The following DGKB variants were observed in gnomAD, a reference collection of about 807,000 sequenced individuals.
The protein encoded by DGKB is diacylglycerol kinase beta, also known as 90 kDa diacylglycerol kinase.
A neutral mutation model predicts 114.3 loss-of-function variants in DGKB; 67 were observed. The ratio of observed to expected loss-of-function variants is 0.59; its 90% confidence interval spans 0.48 to 0.72. The LOEUF is 0.72. Ranked by LOEUF, DGKB falls within the 30% of genes least tolerant of loss-of-function variation. DGKB has a pLI of 0.00. For missense variants in DGKB, 907 were observed against 975.2 expected, an observed-to-expected ratio of 0.93 and a Z score of 0.93; for synonymous variants, 398 against 323.1, an observed-to-expected ratio of 1.23 and a Z score of -2.49.
At chr7:14,969,631 G>C (rs924995871) in intron 1 of DGKB, among the ~76,000 whole-genome samples, 8 of 152,102 alleles carry the variant, frequency 5.3e-5, no homozygotes, top group Non-Finnish European at 4.4e-5. Context: ...AGGGATCTAC[G>C]TTGTGTGCTC....
chr7:14,312,211 G>C (rs1009076283), intron 23 of DGKB, among the ~76,000 whole-genome samples: 1 of 152,174 alleles, frequency 6.6e-6, no homozygotes, highest in African/African-American at 2.4e-5. Context: ...ATGCAGTATA[G>C]AGACCTGAAA....
chr7:14,373,901 C>T (rs904152646), intron 21 of DGKB, among the ~76,000 whole-genome samples: 1 of 152,076 alleles, frequency 6.6e-6, no homozygotes, highest in African/African-American at 2.4e-5. Flanking sequence ...TTACACCCAA[C>T]CAGTCCGCTG....
At chr7:14,939,667 C>T (rs114577555) in intron 1 of DGKB, among the ~76,000 whole-genome samples, 2,477 of 123,868 alleles carry the variant, frequency 0.02, 81 homozygotes, top group African/African-American at 0.076. Context: ...TCTCGTTCTG[C>T]CCAGGCTGGA....
At chr7:14,763,542 T>C (rs1044868281) in intron 2 of DGKB, among the ~76,000 whole-genome samples, 1 of 152,108 alleles carries the variant, frequency 6.6e-6, no homozygotes, top group African/African-American at 2.4e-5. Flanking sequence ...TTCAAGCTAT[T>C]GTATATGACC....
intron 13 of DGKB, among the ~76,000 whole-genome samples, chr7:14,640,159 T>C (rs887312055): frequency 7.2e-5 from 11 of 152,240 alleles, no homozygotes; most frequent in Admixed American, 2.0e-4. Context: ...TGTTTAGTAC[T>C]AAATTACATA....
chr7:14,602,893 G>T (rs149551941), intron 17 of DGKB, among the ~76,000 whole-genome samples: 5 of 152,292 alleles, frequency 3.3e-5, no homozygotes, highest in South Asian at 4.1e-4. Flanking sequence ...AATTTTGATA[G>T]GCAATAATCT....
At chr7:14,623,635 T>A (rs887465002) in intron 14 of DGKB, among the ~76,000 whole-genome samples, 2 of 152,174 alleles carry the variant, frequency 1.3e-5, no homozygotes, top group African/African-American at 4.8e-5. Context: ...GCAAAAACAC[T>A]GAATATATTT....
chr7:14,863,372 T>C (rs1423032749), intron 1 of DGKB, among the ~76,000 whole-genome samples: 2 of 151,414 alleles, frequency 1.3e-5, no homozygotes, highest in African/African-American at 2.4e-5. Context: ...TTTTAAACTA[T>C]GGTCAAGAAG....
chr7:14,512,290 G>A (rs945063816), intron 20 of DGKB, among the ~76,000 whole-genome samples: 1 of 152,040 alleles, frequency 6.6e-6, no homozygotes, highest in Admixed American at 6.6e-5. Context: ...AGAAATCCAC[G>A]TTATTTTTAC....
At chr7:14,899,393 C>G (rs931577904) in intron 1 of DGKB, among the ~76,000 whole-genome samples, 5 of 152,006 alleles carry the variant, frequency 3.3e-5, no homozygotes, top group Non-Finnish European at 7.4e-5. Flanking sequence ...TAAGACTTTA[C>G]AGCTATTTAA....
rs1167483677 is a variant in DGKB at position 14,244,028 on chromosome 7, AGAGAGAGACAGAGAGAGAGAGAGAGG to A, written c.2123-65903_2123-65878del. ...ATACAGTGTTATGAGAGATTCTGAG[AGAGAGAGACAGAGAGAGAGAGAGAGG>A]GAGAGAGAGAGAGATCAATTTACCT... On this transcript the variant is annotated intron_variant, in intron 23 of 25. Coordinates refer to ENST00000402815, the MANE Select transcript of DGKB (RefSeq NM_001350709.2). Among the ~76,000 whole-genome samples, 390 of 144,812 alleles carry A rather than the reference AGAGAGAGACAGAGAGAGAGAGAGAGG, an allele frequency of 2.7e-3. 2 individuals are homozygous for A. Among genetic ancestry groups the A allele is most frequent in the African/African-American group, 8.6e-3 (351 of 40,768 alleles).
intron 2 of DGKB, among the ~76,000 whole-genome samples, chr7:14,782,860 G>T (rs977565873): frequency 6.6e-6 from 1 of 151,794 alleles, no homozygotes; most frequent in African/African-American, 2.4e-5. Context: ...AGACAGATGC[G>T]GTCTTGTTCT....
intron 23 of DGKB, chr7:14,191,730 G>A (rs1784348899): frequency 1.2e-5 from 4 of 345,454 alleles, no homozygotes; most frequent in Non-Finnish European, 2.4e-5. Context: ...GATGTTCACT[G>A]TGCCAACATT....
intron 1 of DGKB, among the ~76,000 whole-genome samples, chr7:14,885,094 C>G (rs1269635742): frequency 1.3e-5 from 2 of 152,020 alleles, no homozygotes; most frequent in African/African-American, 4.8e-5. Flanking sequence ...GACTTGAAAG[C>G]TCCTATTTTT....
intron 20 of DGKB, among the ~76,000 whole-genome samples, chr7:14,568,073 C>G (rs1797863180): frequency 6.6e-6 from 1 of 152,122 alleles, no homozygotes. Flanking sequence ...CTGTAGTTGG[C>G]TTTTGCTTCT....
chr7:14,284,729 GA>G (rs1258418829), intron 23 of DGKB, among the ~76,000 whole-genome samples: 1 of 151,380 alleles, frequency 6.6e-6, no homozygotes, highest in African/African-American at 2.4e-5. Context: ...GATGAAATTG[GA>G]AACCATCATT....
chr7:14,801,277 T>G (rs1842113277), intron 2 of DGKB, among the ~76,000 whole-genome samples: 1 of 152,136 alleles, frequency 6.6e-6, no homozygotes, highest in African/African-American at 2.4e-5. Flanking sequence ...TTGCATCATG[T>G]TAGGCAGAAT....
In DGKB at chr7:14,682,762, C is replaced by T; in HGVS notation, c.909G>A (p.Arg303=). ...SCIKTYVKSK[R]NTDVMHHYWV... is the part of the protein sequence containing the mutation. ...ATGCACACAAACTTACATCAGTGTT[C>T]CTTTTGGACTTCACATAGGTCTTGA... Residue 303 remains arginine (R), a synonymous_variant, in exon 11 of 26, where the codon AGG becomes AGA. Coordinates refer to ENST00000402815, the MANE Select transcript of DGKB (RefSeq NM_001350709.2). 6.2e-7 allele frequency: 1 copy of T among 1,612,216 alleles called. No homozygotes were observed. Among genetic ancestry groups the T allele is most frequent in the Non-Finnish European group, 8.5e-7 (1 of 1,178,860 alleles).
In DGKB at chr7:14,554,587, T is replaced by A. The variant is rs553286312; in HGVS notation, c.1770+19625A>T. ...TTAAATTTTAATAGATACTATCACA[T>A]AATAAAATATTTTAATTTATAAGCC... On this transcript the variant is annotated intron_variant, in intron 20 of 25. Transcript: ENST00000402815. 4.6e-5 allele frequency among the ~76,000 whole-genome samples: 7 copies of A among 152,196 alleles called. No homozygotes were observed. The South Asian group carries it at 8.3e-4, about 18-fold the overall frequency.
Sources: allele counts gnomAD v4.1 joint callset (sites outside exome capture counted in the v4.1 genomes callset), GRCh38; gene constraint gnomAD v4.1.1; transcripts MANE v1.5; gene names NCBI Gene and HGNC (gene_info 2026-07-23, HGNC 2026-07-21).